LMAN1: variants seen among roughly 807,000 people sequenced by gnomAD.
The protein encoded by LMAN1 is protein ERGIC-53.
Under a neutral mutation model 67.8 loss-of-function variants are expected in LMAN1, and 32 were observed. The observed-to-expected ratio is 0.47, with a 90% CI of 0.36 to 0.63. LMAN1 has a LOEUF of 0.63. Ranked by LOEUF, LMAN1 falls within the 30% of genes least tolerant of loss-of-function variation. The pLI is 0.00. For missense variants in LMAN1, 632 were observed against 628.2 expected (o/e 1.01, Z -0.06); for synonymous variants, 235 against 219.3 (o/e 1.07, Z -0.63).
At chr18:59,353,988 A>G (rs1162315015) in intron 4 of LMAN1, among the ~76,000 whole-genome samples, 1 of 152,222 alleles carries the variant, frequency 6.6e-6, no homozygotes, top group Non-Finnish European at 1.5e-5. Context: ...TGTTGCGTAC[A>G]CAAAATAATT....
In LMAN1 at chr18:59,355,921, ACTAT is replaced by A. The variant is rs142631989; in HGVS notation, c.215-267_215-264del. ...AAAGGGAATTATGACTTTAAGGCAAACTATCTGAGTCTCATAACATTCTTTTTAA... is the reference window on the plus strand; with the variant it reads ...AAAGGGAATTATGACTTTAAGGCAAACTGAGTCTCATAACATTCTTTTTAA... On this transcript the variant is annotated intron_variant, in intron 1 of 12. Transcript: ENST00000251047. 7.6e-3 allele frequency among the ~76,000 whole-genome samples: 1,165 copies of A among 152,342 alleles called. 23 individuals are homozygous for A. Among genetic ancestry groups the A allele is most frequent in the African/African-American group, 0.027 (1,112 of 41,580 alleles).
chr18:59,331,025 A>C lies in LMAN1; in HGVS notation c.*68T>G. ...TAATTTAGACTATGAAGCAATTTAA[A>C]TACTTAAATTCCCTCAAAACGACAT... is the stretch of plus-strand genomic sequence containing the variant. On this transcript the variant is annotated 3_prime_UTR_variant, in exon 13 of 13. Coordinates refer to ENST00000251047, the MANE Select transcript of LMAN1 (RefSeq NM_005570.4). 9.8e-7 allele frequency: 1 copy of C among 1,017,422 alleles called. No homozygotes were observed. Among genetic ancestry groups the C allele is most frequent in the Non-Finnish European group, 1.5e-6 (1 of 652,580 alleles). The allele number at this position is 1,017,422 out of a possible 1,614,324, so 63.0% of individuals were successfully genotyped here. A position where few individuals can be genotyped will look rare whatever the true frequency, so the allele number is the denominator to read the frequency against.
At chr18:59,344,925 G>A (rs1256196063) in intron 8 of LMAN1, among the ~76,000 whole-genome samples, 1 of 152,218 alleles carries the variant, frequency 6.6e-6, no homozygotes, top group African/African-American at 2.4e-5. Flanking sequence ...TGTGGAGAAG[G>A]TTGTTGACTT....
At chr18:59,346,872 T>C (rs2144223889) in intron 7 of LMAN1, among the ~76,000 whole-genome samples, 2 of 152,166 alleles carry the variant, frequency 1.3e-5, no homozygotes, top group South Asian at 4.2e-4. Flanking sequence ...TTGCTATACG[T>C]GCACTGTCTC....
chr18:59,335,437 A>AG (rs1211309967), intron 10 of LMAN1, among the ~76,000 whole-genome samples: 1 of 151,512 alleles, frequency 6.6e-6, no homozygotes, highest in Non-Finnish European at 1.5e-5. Context: ...CCATCTCAAA[A>AG]GAAAAAAAAA....
rs2070728453 is a variant in LMAN1, at chr18:59,328,686, TTG to T, written c.*2405_*2406del. On this transcript the variant is annotated 3_prime_UTR_variant, in exon 13 of 13. Coordinates refer to ENST00000251047, the MANE Select transcript of LMAN1 (RefSeq NM_005570.4). ...CCCCACCCCTAAGATTTGATTCAGG[TTG>T]TCTGAAACCAGGCGCCATGACCCAG... 1 of 152,096 alleles carries T rather than the reference TTG, an allele frequency of 6.6e-6. No homozygotes were observed. The highest frequency in any genetic ancestry group is 2.4e-5 in the African/African-American group (1 of 41,412). 9.4% of individuals were successfully genotyped at this position (152,096 alleles called of 1,614,324 possible).
At chr18:59,347,009 T>C (rs894113914) in intron 7 of LMAN1, among the ~76,000 whole-genome samples, 4 of 151,630 alleles carry the variant, frequency 2.6e-5, no homozygotes, top group Non-Finnish European at 4.4e-5. Context: ...GGCAGGCGGA[T>C]CACAAGGTCA....
At chr18:59,353,506 C>T (rs887084388) in intron 4 of LMAN1, among the ~76,000 whole-genome samples, 4 of 152,148 alleles carry the variant, frequency 2.6e-5, no homozygotes, top group African/African-American at 9.7e-5. Flanking sequence ...GGGCTTTTAA[C>T]ATGTAGATTC....
At chr18:59,343,996 T>G (rs1908344766) in intron 8 of LMAN1, among the ~76,000 whole-genome samples, 1 of 152,068 alleles carries the variant, frequency 6.6e-6, no homozygotes, top group Non-Finnish European at 1.5e-5. Context: ...GAACAGACAT[T>G]TTTCAAAAGA....
intron 10 of LMAN1, among the ~76,000 whole-genome samples, chr18:59,335,343 G>C (rs1212591235): frequency 6.6e-6 from 1 of 151,254 alleles, no homozygotes; most frequent in African/African-American, 2.4e-5. Flanking sequence ...TGAGGCAGAA[G>C]AATCGCATGA....
At chr18:59,355,797 T>C in intron 1 of LMAN1, 139 bp from the exon 2 acceptor site, 1 of 961,770 alleles carries the variant, frequency 1.0e-6, no homozygotes. Flanking sequence ...ATGTTGACAG[T>C]TTTAACTTTA....
chr18:59,346,194 C>A, intron 7 of LMAN1, 143 bp from the exon 8 acceptor site: 4 of 423,952 alleles, frequency 9.4e-6, no homozygotes, highest in South Asian at 3.2e-5. Context: ...TTTACTTAAA[C>A]GATAGCAAAT....
chr18:59,346,491 C>T (rs1908411217), intron 7 of LMAN1, among the ~76,000 whole-genome samples: 1 of 151,916 alleles, frequency 6.6e-6, no homozygotes, highest in Admixed American at 6.6e-5. Flanking sequence ...TCCCAAAGTG[C>T]TAGGATTACA....
At chr18:59,354,221 A>G (rs1378398456) in intron 4 of LMAN1, among the ~76,000 whole-genome samples, 1 of 152,204 alleles carries the variant, frequency 6.6e-6, no homozygotes, top group Non-Finnish European at 1.5e-5. Context: ...ATAAAAATGC[A>G]TGATTAGTGG....
Position 59,329,885 on chromosome 18 carries a change from T to G in LMAN1, c.*1208A>C, listed in dbSNP as rs935153294. Reference sequence around the variant, plus strand: ...ATTTTGAAGGCAGCAAAAATCAGTATAAATCAGCTGTGAACAGAATTAAAT... The same window carrying G: ...ATTTTGAAGGCAGCAAAAATCAGTAGAAATCAGCTGTGAACAGAATTAAAT... On this transcript the variant is annotated 3_prime_UTR_variant, in exon 13 of 13. Transcript: ENST00000251047. 6.6e-6 allele frequency: 1 copy of G among 152,176 alleles called. No individual in the cohort carries two copies. Among genetic ancestry groups the G allele is most frequent in the African/African-American group, 2.4e-5 (1 of 41,454 alleles). 9.4% of individuals were successfully genotyped at this position (152,176 alleles called of 1,614,324 possible).
chr18:59,346,048 T>C lies in LMAN1; in HGVS notation c.826A>G (p.Thr276Ala). ...QLTEPGKEPP[T>A]PDKEISEKEK... is the part of the protein sequence containing the mutation. ...TTTTCCGAAATTTCTTTATCTGGTGTGGGCTTTTTTTTGGAGTTTTGGAAT... is the reference window on the plus strand; with the variant it reads ...TTTTCCGAAATTTCTTTATCTGGTGCGGGCTTTTTTTTGGAGTTTTGGAAT... Residue 276 changes from threonine to alanine, a missense_variant, in exon 8 of 13, where the codon ACA (threonine) becomes GCA (alanine). By Grantham distance (58) the Thr-to-Ala change is moderately conservative (BLOSUM62 0). Coordinates refer to ENST00000251047, the MANE Select transcript of LMAN1 (RefSeq NM_005570.4). 6.2e-7 allele frequency: 1 copy of C among 1,608,218 alleles called. No homozygotes were observed. The highest frequency in any genetic ancestry group is 1.1e-5 in the South Asian group (1 of 89,822).
chr18:59,353,067 G>A (rs1339601893), intron 5 of LMAN1, 135 bp downstream of exon 5: 10 of 769,666 alleles, frequency 1.3e-5, no homozygotes, highest in Non-Finnish European at 2.0e-5. Context: ...AGCCACCTCC[G>A]TTCTCTTAGA....
At chr18:59,358,758 C>A (rs1908721321) in intron 1 of LMAN1, among the ~76,000 whole-genome samples, 1 of 152,004 alleles carries the variant, frequency 6.6e-6, no homozygotes, top group African/African-American at 2.4e-5. Flanking sequence ...CTAGATCCAA[C>A]GGAAAGTACC....
At chr18:59,351,626 T>C (rs189614225) in intron 5 of LMAN1, 9 of 152,342 alleles carry the variant, frequency 5.9e-5, no homozygotes, top group African/African-American at 9.6e-5. Context: ...AAGAAATCTT[T>C]AATGTGCTAA....
Sources: gnomAD v4.1 joint callset for allele counts (sites outside exome capture counted in the v4.1 genomes callset) on GRCh38, gnomAD v4.1.1 for gene constraint, MANE v1.5 for transcripts, NCBI Gene and HGNC (gene_info 2026-07-23, HGNC 2026-07-21) for gene names.